Variants in STK24 observed in about 807,000 individuals in gnomAD.
STK24 encodes serine/threonine-protein kinase 24.
In STK24, 21 loss-of-function variants were observed where a neutral mutation model predicts 55.6. The ratio of observed to expected loss-of-function variants is 0.38; its 90% confidence interval spans 0.27 to 0.54. STK24 has a LOEUF of 0.54. Among genes scored for constraint, STK24 ranks in the 20% least tolerant of loss-of-function variants. The pLI is 0.79. For synonymous variants in STK24, 200 were observed against 215.2 expected (o/e 0.93, Z 0.62); for missense variants, 383 against 538.4 (o/e 0.71, Z 2.86).
intron 1 of STK24, among the ~76,000 whole-genome samples, chr13:98,567,932 T>C (rs1254055293): frequency 3.2e-5 from 2 of 62,714 alleles, no homozygotes; most frequent in Non-Finnish European, 5.9e-5. Context: ...GGTAGTGGTT[T>C]AAAAAAAAAA....
intron 2 of STK24, among the ~76,000 whole-genome samples, chr13:98,517,326 A>C (rs1896101495): frequency 1.3e-5 from 2 of 152,196 alleles, no homozygotes; most frequent in African/African-American, 4.8e-5. Flanking sequence ...TTTGTTTTCA[A>C]TCGAAATTTA....
intron 1 of STK24, among the ~76,000 whole-genome samples, chr13:98,538,090 C>G (rs1896784720): frequency 6.6e-6 from 1 of 152,144 alleles, no homozygotes; most frequent in Non-Finnish European, 1.5e-5. Context: ...ATCAATGTCA[C>G]TAATCCACAG....
rs1268818783 is a variant in STK24 at position 98,477,462 on chromosome 13, C to T, written c.331-2104G>A. ...CGAGGCGGGTGGATCACCTTGAGGT[C>T]GGGAGTTCGAGACCAGCCTGGCCAA... On this transcript the variant is annotated intron_variant, in intron 3 of 10. Transcript: ENST00000539966. 9.2e-5 allele frequency among the ~76,000 whole-genome samples: 14 copies of T among 152,200 alleles called. No individual in the cohort carries two copies. The East Asian group carries it at 2.5e-3, about 27-fold the overall frequency.
intron 3 of STK24, among the ~76,000 whole-genome samples, chr13:98,479,486 C>CAG (rs112266427): frequency 2.0e-4 from 30 of 152,306 alleles, no homozygotes; most frequent in African/African-American, 6.5e-4. Flanking sequence ...AAGGGATGCA[C>CAG]CCCTGCCAGC....
At chr13:98,453,984 G>C (rs1490513400) in intron 10 of STK24, 1 of 152,160 alleles carries the variant, frequency 6.6e-6, no homozygotes, top group East Asian at 1.9e-4. Context: ...GCCCCAGAGA[G>C]CAGTTCCTTT....
chr13:98,479,492 C>G (rs1432356826), intron 3 of STK24, among the ~76,000 whole-genome samples: 9 of 152,202 alleles, frequency 5.9e-5, no homozygotes, highest in Admixed American at 5.9e-4. Context: ...TGCACCCCTG[C>G]CAGCTGAGGG....
At chr13:98,474,304 AAAT>A (rs1236125976) in intron 5 of STK24, among the ~76,000 whole-genome samples, 1 of 152,176 alleles carries the variant, frequency 6.6e-6, no homozygotes, top group Non-Finnish European at 1.5e-5. Context: ...TCAGAACTAA[AAAT>A]AATAGGAAGA....
intron 5 of STK24, among the ~76,000 whole-genome samples, chr13:98,474,558 T>C (rs1461949809): frequency 2.0e-5 from 3 of 151,876 alleles, no homozygotes. Flanking sequence ...ACCCGCTCCA[T>C]CCTGTGTCCC....
chr13:98,456,559 TC>T, intron 10 of STK24: 1 of 504,478 alleles, frequency 2.0e-6, no homozygotes, highest in Non-Finnish European at 4.1e-6. Flanking sequence ...CCATGGATAC[TC>T]CTACAACAAG....
intron 10 of STK24, 34 bp from the exon 11 acceptor site, chr13:98,453,243 T>C (rs1166826775): frequency 1.9e-6 from 3 of 1,606,070 alleles, no homozygotes; most frequent in Non-Finnish European, 2.6e-6. Flanking sequence ...AGTCAACACA[T>C]GTCATTTCTC....
At chr13:98,547,204 G>T (rs898382611) in intron 1 of STK24, among the ~76,000 whole-genome samples, 2 of 151,884 alleles carry the variant, frequency 1.3e-5, no homozygotes, top group South Asian at 2.1e-4. Context: ...GAGCCACCGC[G>T]CCCAGCTATC....
chr13:98,470,153 G>C (rs1894087112), intron 5 of STK24, among the ~76,000 whole-genome samples: 2 of 152,214 alleles, frequency 1.3e-5, no homozygotes, highest in African/African-American at 4.8e-5. Flanking sequence ...AAGAACTTGT[G>C]TCTGAGGTTT....
intron 2 of STK24, among the ~76,000 whole-genome samples, chr13:98,515,454 G>GC (rs1408312659): frequency 2.4e-4 from 37 of 151,136 alleles, no homozygotes; most frequent in Non-Finnish European, 4.7e-4. Flanking sequence ...AACGGGTGAA[G>GC]TTTTTTCCAT....
chr13:98,535,995 G>T (rs1896721770), intron 1 of STK24, among the ~76,000 whole-genome samples: 1 of 152,206 alleles, frequency 6.6e-6, no homozygotes, highest in African/African-American at 2.4e-5. Context: ...AATCGTTTTG[G>T]TGTATGCAGA....
chr13:98,446,571 G>A lies in STK24; in HGVS notation c.*6602C>T. On this transcript the variant is annotated 3_prime_UTR_variant, in exon 11 of 11. Coordinates refer to ENST00000539966, the MANE Select transcript of STK24 (RefSeq NM_001032296.4). ...CCCACGCCCGAGGAGGGAGCTGCCT[G>A]GGCTCCCAAGTCCCTGTCTGATGCG... 7.5e-7 allele frequency: 1 copy of A among 1,331,730 alleles called. No individual in the cohort carries two copies. The highest frequency in any genetic ancestry group is 1.1e-6 in the Non-Finnish European group (1 of 943,690). 82.5% of individuals were successfully genotyped at this position (1,331,730 alleles called of 1,614,324 possible).
chr13:98,514,718 T>C (rs1396878261), intron 2 of STK24, among the ~76,000 whole-genome samples: 3 of 152,232 alleles, frequency 2.0e-5, no homozygotes, highest in African/African-American at 7.2e-5. Flanking sequence ...TGATTTGCTT[T>C]GGTTAAACTG....
At chr13:98,542,417 G>T (rs1347391180) in intron 1 of STK24, among the ~76,000 whole-genome samples, 1 of 152,020 alleles carries the variant, frequency 6.6e-6, no homozygotes, top group East Asian at 1.9e-4. Context: ...CGGCCAATTG[G>T]TAGGTTCCAA....
At chr13:98,505,342 C>T (rs1323364644) in intron 2 of STK24, among the ~76,000 whole-genome samples, 3 of 152,252 alleles carry the variant, frequency 2.0e-5, no homozygotes, top group Non-Finnish European at 1.5e-5. Context: ...GCCAACTCCA[C>T]CTCATCACAC....
At chr13:98,461,683 C>T (rs538881338) in intron 8 of STK24, 91 bp downstream of exon 8, 7 of 1,561,392 alleles carry the variant, frequency 4.5e-6, no homozygotes, top group Non-Finnish European at 6.1e-6. Context: ...CAAAGGACCC[C>T]AGCCGCACCC....
Sources: allele counts gnomAD v4.1 joint callset (sites outside exome capture counted in the v4.1 genomes callset), GRCh38; gene constraint gnomAD v4.1.1; transcripts MANE v1.5; gene names NCBI Gene and HGNC (gene_info 2026-07-23, HGNC 2026-07-21).